Variants in PSD3 observed in about 807,000 individuals in gnomAD.
PSD3 encodes the protein pleckstrin and Sec7 domain containing 3, also known as PH and SEC7 domain-containing protein 3.
In PSD3, 49 loss-of-function variants were observed where a neutral mutation model predicts 105.5. The observed-to-expected ratio is 0.46, with a 90% CI of 0.37 to 0.59. PSD3 has a LOEUF of 0.59. Ranked by LOEUF, PSD3 falls within the 20% of genes least tolerant of loss-of-function variation. The pLI is 0.00. For synonymous variants in PSD3, 557 were observed against 457.8 expected (o/e 1.22, Z -2.77); for missense variants, 1,561 against 1,263.8 (o/e 1.24, Z -3.57).
At chr8:18,620,236 T>C (rs1346090906) in intron 11 of PSD3, among the ~76,000 whole-genome samples, 1 of 152,160 alleles carries the variant, frequency 6.6e-6, no homozygotes, top group Non-Finnish European at 1.5e-5. Flanking sequence ...ATACCTTTCA[T>C]GTACTGATTT....
At chr8:19,052,246 G>A (rs1828554987) in intron 1 of PSD3, among the ~76,000 whole-genome samples, 2 of 152,132 alleles carry the variant, frequency 1.3e-5, no homozygotes, top group Non-Finnish European at 2.9e-5. Flanking sequence ...GGCCGGGGTG[G>A]GCGGATCCCA....
chr8:18,610,142 C>T (rs2130638172), intron 11 of PSD3, among the ~76,000 whole-genome samples: 1 of 152,288 alleles, frequency 6.6e-6, no homozygotes, highest in Non-Finnish European at 1.5e-5. Context: ...GCTTTGTCAA[C>T]TCTATTTTAT....
At chr8:19,065,399 G>C (rs981517031) in intron 1 of PSD3, among the ~76,000 whole-genome samples, 1 of 152,136 alleles carries the variant, frequency 6.6e-6, no homozygotes, top group African/African-American at 2.4e-5. Flanking sequence ...CCTGGAGATA[G>C]CGTCAGATCC....
chr8:19,037,524 A>T (rs1169323566), intron 1 of PSD3, among the ~76,000 whole-genome samples: 1 of 152,238 alleles, frequency 6.6e-6, no homozygotes, highest in Non-Finnish European at 1.5e-5. Context: ...GGTGTCTGTG[A>T]GGGTGTTTCC....
intron 4 of PSD3, among the ~76,000 whole-genome samples, chr8:18,807,087 T>C (rs890587342): frequency 2.0e-5 from 3 of 152,210 alleles, no homozygotes; most frequent in African/African-American, 7.2e-5. Flanking sequence ...AAAAAATAGG[T>C]TGTAAACTTA....
chr8:18,934,567 C>G (rs545965374), intron 2 of PSD3, among the ~76,000 whole-genome samples: 2 of 152,214 alleles, frequency 1.3e-5, no homozygotes, highest in South Asian at 4.1e-4. Flanking sequence ...CCTGCCACCG[C>G]GCCCGGCTAA....
At chr8:18,848,131 T>A (rs1563341291) in intron 4 of PSD3, among the ~76,000 whole-genome samples, 3 of 149,320 alleles carry the variant, frequency 2.0e-5, no homozygotes, top group Non-Finnish European at 3.0e-5. Flanking sequence ...TTTCGAGAGT[T>A]AAAAAAAAAA....
intron 4 of PSD3, among the ~76,000 whole-genome samples, chr8:18,860,579 T>G (rs1013229557): frequency 2.6e-5 from 4 of 152,126 alleles, no homozygotes; most frequent in Non-Finnish European, 5.9e-5. Context: ...AAGATTAAAG[T>G]ACTGTAAACA....
In PSD3 at chr8:18,553,516, C is replaced by T. The variant is rs114508319; in HGVS notation, c.2928+2693G>A. Among the ~76,000 whole-genome samples the T allele has an allele frequency of 3.6e-3, 546 of 152,264 alleles. 8 individuals are homozygous for T. The highest frequency in any genetic ancestry group is 0.013 in the African/African-American group (524 of 41,554). On this transcript the variant is annotated intron_variant, in intron 15 of 15. Coordinates refer to ENST00000327040, the MANE Select transcript of PSD3 (RefSeq NM_015310.4). ...TTCACGCATGTTGTCAACAAACGTG[C>T]GTCAATTAGTCAGTGTTCCAGAAAC...
chr8:18,541,558 A>G (rs1255239990), intron 15 of PSD3, among the ~76,000 whole-genome samples: 4 of 152,120 alleles, frequency 2.6e-5, no homozygotes, highest in Non-Finnish European at 4.4e-5. Flanking sequence ...ACCACATGAC[A>G]AAGGCTTGTC....
chr8:19,061,362 C>T (rs1392386980), intron 1 of PSD3, among the ~76,000 whole-genome samples: 2 of 151,980 alleles, frequency 1.3e-5, no homozygotes, highest in Non-Finnish European at 2.9e-5. Context: ...TAATCACTGG[C>T]GACAAGACAA....
intron 4 of PSD3, among the ~76,000 whole-genome samples, chr8:18,814,907 C>T (rs190129993): frequency 8.5e-5 from 13 of 152,228 alleles, no homozygotes; most frequent in African/African-American, 2.2e-4. Context: ...CAGCAAAAGG[C>T]GGCACAAAGC....
intron 9 of PSD3, among the ~76,000 whole-genome samples, chr8:18,673,642 T>C (rs566772222): frequency 6.6e-6 from 1 of 152,306 alleles, no homozygotes; most frequent in East Asian, 1.9e-4. Context: ...CTGGACACCA[T>C]GTCTTCTCTT....
intron 9 of PSD3, among the ~76,000 whole-genome samples, chr8:18,760,690 T>C (rs951306202): frequency 1.3e-5 from 2 of 152,212 alleles, no homozygotes; most frequent in Admixed American, 1.3e-4. Context: ...TTTCAAAGGT[T>C]ATTCTACAGA....
chr8:18,770,691 T>C (rs1311820012), intron 8 of PSD3, among the ~76,000 whole-genome samples: 4 of 152,310 alleles, frequency 2.6e-5, no homozygotes, highest in African/African-American at 9.6e-5. Flanking sequence ...ACCCCTGAAG[T>C]CCCAGAGGAA....
At chr8:18,711,516 TA>T (rs1409685215) in intron 9 of PSD3, among the ~76,000 whole-genome samples, 10 of 151,884 alleles carry the variant, frequency 6.6e-5, no homozygotes, top group African/African-American at 2.4e-4. Context: ...TGAACAAAGA[TA>T]AAAAAATACA....
chr8:18,614,164 G>C (rs1424624512), intron 11 of PSD3, among the ~76,000 whole-genome samples: 1 of 152,184 alleles, frequency 6.6e-6, no homozygotes, highest in Non-Finnish European at 1.5e-5. Context: ...CATAGGACGT[G>C]TATGCTTCCT....
intron 4 of PSD3, among the ~76,000 whole-genome samples, chr8:18,851,144 A>T (rs532586889): frequency 6.6e-6 from 1 of 152,302 alleles, no homozygotes; most frequent in South Asian, 2.1e-4. Context: ...CAAAAAATCC[A>T]CAGAGCACTC....
At chr8:18,755,699 G>C (rs565694772) in intron 9 of PSD3, among the ~76,000 whole-genome samples, 2 of 149,992 alleles carry the variant, frequency 1.3e-5, no homozygotes, top group South Asian at 2.1e-4. Flanking sequence ...AAATCTGTTT[G>C]TACTCTTAAG....
Sources: allele counts gnomAD v4.1 joint callset (sites outside exome capture counted in the v4.1 genomes callset), GRCh38; gene constraint gnomAD v4.1.1; transcripts MANE v1.5; gene names NCBI Gene and HGNC (gene_info 2026-07-23, HGNC 2026-07-21).